Variants in B3GALT1 observed in about 807,000 individuals in gnomAD.
B3GALT1 encodes the protein UDP-Gal:betaGlcNAc beta 1,3-galactosyltransferase, polypeptide 1.
In B3GALT1, 10 loss-of-function variants were observed where a neutral mutation model predicts 23.2. That is an observed-to-expected ratio of 0.43 (90% CI 0.27 to 0.73). The LOEUF (loss-of-function observed/expected upper bound fraction) is 0.73, where lower values mean the gene tolerates loss of function less well. Ranked by LOEUF, B3GALT1 falls within the 30% of genes least tolerant of loss-of-function variation. The pLI is 0.21. For synonymous variants in B3GALT1, 156 were observed against 141.5 expected (o/e 1.10, Z -0.73); for missense variants, 299 against 405.4 (o/e 0.74, Z 2.25).
chr2:167,433,279 T>C (rs1473676709), intron 1 of B3GALT1, among the ~76,000 whole-genome samples: 1 of 152,228 alleles, frequency 6.6e-6, no homozygotes, highest in Non-Finnish European at 1.5e-5. Context: ...CATTTCTTTT[T>C]AGCACTGAGT....
At chr2:167,631,232 C>G (rs2105447159) in intron 2 of B3GALT1, among the ~76,000 whole-genome samples, 1 of 151,892 alleles carries the variant, frequency 6.6e-6, no homozygotes, top group African/African-American at 2.4e-5. Flanking sequence ...TGTTCTGAAA[C>G]CAATGATTCT....
chr2:167,531,042 T>A (rs1056459369), intron 2 of B3GALT1, among the ~76,000 whole-genome samples: 24 of 152,214 alleles, frequency 1.6e-4, no homozygotes, highest in African/African-American at 4.8e-4. Context: ...TGAGACTGTT[T>A]TTATCCATTT....
intron 1 of B3GALT1, among the ~76,000 whole-genome samples, chr2:167,459,670 G>T (rs570232894): frequency 2.0e-5 from 3 of 152,170 alleles, no homozygotes; most frequent in East Asian, 3.9e-4. Context: ...TTTTACAATG[G>T]TTCATGGATT....
intron 2 of B3GALT1, among the ~76,000 whole-genome samples, chr2:167,518,040 A>C (rs1044409700): frequency 1.3e-5 from 2 of 152,068 alleles, no homozygotes; most frequent in Non-Finnish European, 2.9e-5. Flanking sequence ...CAACAACAAA[A>C]AAAATTGTAT....
chr2:167,803,172 A>G (rs1688673889), intron 3 of B3GALT1, among the ~76,000 whole-genome samples: 2 of 151,972 alleles, frequency 1.3e-5, no homozygotes, highest in Admixed American at 1.3e-4. Context: ...TTTCCATCAA[A>G]CAGGAAAGTC....
intron 3 of B3GALT1, among the ~76,000 whole-genome samples, chr2:167,812,996 ACC>A (rs59345832): frequency 2.8e-5 from 2 of 70,398 alleles, no homozygotes; most frequent in African/African-American, 4.7e-5. Flanking sequence ...CACCACCCCC[ACC>A]CCCCCCCACA....
At chr2:167,663,904 T>G (rs1240321971) in intron 3 of B3GALT1, among the ~76,000 whole-genome samples, 2 of 151,714 alleles carry the variant, frequency 1.3e-5, no homozygotes, top group African/African-American at 4.8e-5. Context: ...TCTCCCATTT[T>G]GTGGGTTGCC....
chr2:167,844,248 G>A (rs142566542), intron 4 of B3GALT1, among the ~76,000 whole-genome samples: 2 of 152,170 alleles, frequency 1.3e-5, no homozygotes, highest in Admixed American at 6.5e-5. Context: ...CATGGTGGAC[G>A]GGAGGCAGGA....
chr2:167,650,346 T>C (rs1685840194), intron 3 of B3GALT1, among the ~76,000 whole-genome samples: 1 of 149,928 alleles, frequency 6.7e-6, no homozygotes, highest in Non-Finnish European at 1.5e-5. Flanking sequence ...TTATTATATA[T>C]ATAGTGAGAA....
intron 2 of B3GALT1, among the ~76,000 whole-genome samples, chr2:167,539,150 C>G (rs1683488167): frequency 6.6e-6 from 1 of 151,874 alleles, no homozygotes; most frequent in South Asian, 2.1e-4. Flanking sequence ...GGTTAATTTC[C>G]TTAAACTCAT....
At chr2:167,635,112 C>T (rs563960283) in intron 2 of B3GALT1, among the ~76,000 whole-genome samples, 2 of 152,240 alleles carry the variant, frequency 1.3e-5, no homozygotes, top group Non-Finnish European at 2.9e-5. Context: ...ATGATTATCT[C>T]AATAGATGCA....
At chr2:167,458,735 A>G (rs1272965416) in intron 1 of B3GALT1, among the ~76,000 whole-genome samples, 4 of 152,208 alleles carry the variant, frequency 2.6e-5, no homozygotes, top group Middle Eastern at 6.8e-3. Context: ...TCATGTGCTT[A>G]TTGGCCGTTT....
At chr2:167,705,466 C>T (rs1464160665) in intron 3 of B3GALT1, among the ~76,000 whole-genome samples, 1 of 142,620 alleles carries the variant, frequency 7.0e-6, no homozygotes, top group Admixed American at 7.0e-5. Flanking sequence ...AATCAAGATG[C>T]TTTTTTTTAA....
At chr2:167,864,456 G>A (rs1574308304) in intron 4 of B3GALT1, among the ~76,000 whole-genome samples, 1 of 152,124 alleles carries the variant, frequency 6.6e-6, no homozygotes, top group Non-Finnish European at 1.5e-5. Flanking sequence ...CTCAGCTACT[G>A]GGGCAGCTGA....
At chr2:167,389,913 AAAAAAAAAAAAC>A (rs1256057695) in intron 1 of B3GALT1, among the ~76,000 whole-genome samples, 10 of 134,526 alleles carry the variant, frequency 7.4e-5, no homozygotes, top group African/African-American at 1.6e-4. Context: ...CCTGTCCAAA[AAAAAAAAAAAAC>A]AAAAAAAAAA....
intron 3 of B3GALT1, among the ~76,000 whole-genome samples, chr2:167,741,104 C>G (rs1209501734): frequency 6.6e-6 from 1 of 152,142 alleles, no homozygotes; most frequent in East Asian, 1.9e-4. Flanking sequence ...CTGTCATGGA[C>G]AAGGACTTCT....
At position 167,500,052 on chromosome 2, in the gene B3GALT1, T is replaced by C. The variant is rs151254293; in HGVS notation, c.-410+9775T>C. Among the ~76,000 whole-genome samples the C allele has an allele frequency of 7.2e-4, 110 of 152,178 alleles. 1 individual carries two copies. The highest frequency in any genetic ancestry group is 6.6e-3 in the South Asian group (32 of 4,826). The stretch of plus-strand genomic sequence containing the variant: ...GAGAGATAAAATGGCCTTTGTTCCT[T>C]TGAAAACATCATTTCACCTTCTTGG... On this transcript the variant is annotated intron_variant, in intron 2 of 4. Transcript: ENST00000392690.
chr2:167,807,125 A>C (rs1033987601), intron 3 of B3GALT1, among the ~76,000 whole-genome samples: 1 of 152,068 alleles, frequency 6.6e-6, no homozygotes, highest in Non-Finnish European at 1.5e-5. Context: ...GTATTCTCTG[A>C]TGGTAGTTTG....
intron 1 of B3GALT1, among the ~76,000 whole-genome samples, chr2:167,444,646 A>G (rs190625789): frequency 6.6e-6 from 1 of 152,142 alleles, no homozygotes. Flanking sequence ...TTTCTAGTTT[A>G]TTTGCGTAGA....
Sources: gnomAD v4.1 joint callset for allele counts (sites outside exome capture counted in the v4.1 genomes callset) on GRCh38, gnomAD v4.1.1 for gene constraint, MANE v1.5 for transcripts, NCBI Gene and HGNC (gene_info 2026-07-23, HGNC 2026-07-21) for gene names.